The following FAM131A variants were observed in gnomAD, a reference collection of about 807,000 sequenced individuals.
FAM131A encodes protein FAM131A.
A neutral mutation model predicts 39.2 loss-of-function variants in FAM131A; 24 were observed. That is an observed-to-expected ratio of 0.61 (90% CI 0.44 to 0.86). The LOEUF is 0.86. Ranked by LOEUF, FAM131A falls within the 40% of genes least tolerant of loss-of-function variation. The pLI, the probability that FAM131A is intolerant of heterozygous loss-of-function variation, is 0.00. For missense variants in FAM131A, 373 were observed against 481.2 expected (o/e 0.78, Z 2.10); for synonymous variants, 202 against 206.8 (o/e 0.98, Z 0.20).
rs1577289369 is a variant in FAM131A, at chr3:184,342,397, A to T, written c.508+149A>T. On this transcript the variant is annotated intron_variant, in intron 4 of 5. Coordinates refer to ENST00000383847, the MANE Select transcript of FAM131A (RefSeq NM_144635.5). This position sits in a 1 kb window ranked among gnomAD's most constrained non-coding sequence, Gnocchi z 4.6. ...ATCTCAGCTCACTGCAACCTCTGCC[A>T]CCCCAGTTCAAGCGATTCTCCTGCC... 3.0e-6 allele frequency: 3 copies of T among 990,290 alleles called. No individual in the cohort carries two copies. Among genetic ancestry groups the T allele is most frequent in the Admixed American group, 3.0e-5 (1 of 32,996 alleles). The allele number at this position is 990,290 out of a possible 1,614,324, so 61.3% of individuals were successfully genotyped here. A position where few individuals can be genotyped will look rare whatever the true frequency, so the allele number is the denominator to read the frequency against.
Position 184,342,566 on chromosome 3 carries a change from A to G in FAM131A, c.509-178A>G, listed in dbSNP as rs543860725. On this transcript the variant is annotated intron_variant, in intron 4 of 5. Coordinates refer to ENST00000383847, the MANE Select transcript of FAM131A (RefSeq NM_144635.5). This position sits in a 1 kb window ranked among gnomAD's most constrained non-coding sequence, Gnocchi z 4.6. ...AGTGATCCACCTGCCTCGGCCTCCC[A>G]AAGTGCTGGGATTACAGGCATAAGC... 3.9e-5 allele frequency among the ~76,000 whole-genome samples: 6 copies of G among 152,206 alleles called. No homozygotes were observed. The East Asian group carries it at 1.2e-3, about 29-fold the overall frequency.
In FAM131A at chr3:184,345,924, G is replaced by A. The variant is rs1727636967; in HGVS notation, c.*954G>A. Reference sequence around the variant, plus strand: ...TGTGCCAGTGAGTGACAGTCATGAGGGAGTGTCTCTTCTTGGGGAGGAAAG... The same window carrying A: ...TGTGCCAGTGAGTGACAGTCATGAGAGAGTGTCTCTTCTTGGGGAGGAAAG... On this transcript the variant is annotated 3_prime_UTR_variant, in exon 6 of 6. Transcript: ENST00000383847. 2.8e-6 allele frequency: 1 copy of A among 351,602 alleles called. No individual in the cohort carries two copies. Among genetic ancestry groups the A allele is most frequent in the African/African-American group, 2.1e-5 (1 of 46,854 alleles). 21.8% of individuals were successfully genotyped at this position (351,602 alleles called of 1,614,324 possible). A position where few individuals can be genotyped will look rare whatever the true frequency, so the allele number is the denominator to read the frequency against.
rs1480726759 is a variant in FAM131A at position 184,337,657 on chromosome 3, A to G, written c.27A>G (p.Lys9=). The change falls in exon 1 of 6, where the codon AAA becomes AAG. Residue 9 remains lysine (K), a synonymous_variant. Coordinates refer to ENST00000383847, the MANE Select transcript of FAM131A (RefSeq NM_144635.5). ...TGCCTATGATTTCTGTGCTGGGCAAAATGTTTCTGTGGCAGCGTGAAGGGC... is the reference window on the plus strand; with the variant it reads ...TGCCTATGATTTCTGTGCTGGGCAAGATGTTTCTGTGGCAGCGTGAAGGGC... The part of the protein sequence containing the change: MPMISVLG[K]MFLWQREGPG... The G allele has an allele frequency of 6.5e-7, 1 of 1,537,212 alleles. No homozygotes were observed. Among genetic ancestry groups the G allele is most frequent in the Admixed American group, 2.0e-5 (1 of 50,994 alleles).
chr3:184,344,838 C>T lies in FAM131A; in HGVS notation c.969C>T (p.Ala323=), dbSNP rs775392036. 27 of 1,611,514 alleles carry T rather than the reference C, an allele frequency of 1.7e-5. No individual in the cohort carries two copies. Among genetic ancestry groups the T allele is most frequent in the Non-Finnish European group, 2.2e-5 (26 of 1,179,862 alleles). Residue 323 remains alanine (A), a synonymous_variant, in exon 6 of 6, where the codon GCC becomes GCT. Coordinates refer to ENST00000383847, the MANE Select transcript of FAM131A (RefSeq NM_144635.5). ...TTTCCCCCGCGGAGGAGGAGCCAGC[C>T]CCCTGCAAGGACTGCCAGCCACTCT... ...SCLSPAEEEP[A]PCKDCQPLCP...
In FAM131A at chr3:184,342,639, G is replaced by T. The variant is rs1253526543; in HGVS notation, c.509-105G>T. ...TTTCTTATCTCCTCGGGTCTGACAT[G>T]GGGGTTGGAGTCTTCCCATACCCTG... On this transcript the variant is annotated intron_variant, in intron 4 of 5. Coordinates refer to ENST00000383847, the MANE Select transcript of FAM131A (RefSeq NM_144635.5). The surrounding 1 kb of genome is among the most constrained non-coding windows in gnomAD (Gnocchi z 4.6). 1.0e-6 allele frequency: 1 copy of T among 983,506 alleles called. No individual in the cohort carries two copies. The highest frequency in any genetic ancestry group is 1.5e-6 in the Non-Finnish European group (1 of 652,826). 60.9% of individuals were successfully genotyped at this position (983,506 alleles called of 1,614,324 possible). A position where few individuals can be genotyped will look rare whatever the true frequency, so the allele number is the denominator to read the frequency against.
intron 2 of FAM131A, chr3:184,341,353 G>C (rs761139385): frequency 1.7e-5 from 5 of 287,202 alleles, no homozygotes; most frequent in Admixed American, 4.9e-5. Context: ...AAGGGGCAGA[G>C]GGGAAGGGAA....
intron 2 of FAM131A, 62 bp from the exon 3 acceptor site, chr3:184,341,662 C>A: frequency 7.1e-7 from 1 of 1,408,736 alleles, no homozygotes; most frequent in Non-Finnish European, 9.8e-7. Flanking sequence ...TGGGTATGGG[C>A]ATGTTAGGGG....
chr3:184,337,849 G>C, intron 1 of FAM131A, 131 bp downstream of exon 1: 1 of 831,348 alleles, frequency 1.2e-6, no homozygotes, highest in Non-Finnish European at 1.9e-6. Context: ...AACCAGGCTG[G>C]GGCCAGACAG....
At chr3:184,337,859 G>A in intron 1 of FAM131A, 141 bp downstream of exon 1, 1 of 788,170 alleles carries the variant, frequency 1.3e-6, no homozygotes, top group Non-Finnish European at 2.0e-6. Context: ...GGGCCAGACA[G>A]GGCATCAGGA....
In FAM131A at chr3:184,342,965, G is replaced by A. The variant is rs572764470; in HGVS notation, c.625+105G>A. ...CTCTCAGCCTTTGCAAGGGGAGGGAGAGGGACAGACTCAGTCCAGGCAGGC... is the reference window on the plus strand; with the variant it reads ...CTCTCAGCCTTTGCAAGGGGAGGGAAAGGGACAGACTCAGTCCAGGCAGGC... On this transcript the variant is annotated intron_variant, in intron 5 of 5. Transcript: ENST00000383847. The surrounding 1 kb of genome is among the most constrained non-coding windows in gnomAD (Gnocchi z 4.6). 75 of 999,160 alleles carry A rather than the reference G, an allele frequency of 7.5e-5. No homozygotes were observed. The highest frequency in any genetic ancestry group is 1.1e-4 in the Non-Finnish European group (71 of 642,418). 61.9% of individuals were successfully genotyped at this position (999,160 alleles called of 1,614,324 possible).
chr3:184,337,571 A>T (rs571360080), upstream of FAM131A: 281 of 1,485,536 alleles, frequency 1.9e-4, no homozygotes, highest in South Asian at 2.8e-3. Context: ...CAGGAATAGA[A>T]CTGGGAGCTG....
chr3:184,341,534 G>C (rs1298198274), intron 2 of FAM131A, 190 bp from the exon 3 acceptor site: 1 of 603,614 alleles, frequency 1.7e-6, no homozygotes, highest in African/African-American at 1.9e-5. Context: ...AATCTCCATT[G>C]CTTTCTGGGA....
chr3:184,345,431 C>T lies in FAM131A; in HGVS notation c.*461C>T, dbSNP rs955566357. 7 of 677,852 alleles carry T rather than the reference C, an allele frequency of 1.0e-5. No homozygotes were observed. In the East Asian group the frequency reaches 1.3e-4, roughly 13 times the overall value. The allele number at this position is 677,852 out of a possible 1,614,324, so 42.0% of individuals were successfully genotyped here. ...ATGTGCAGTGCTTGATAGAATCACC[C>T]CCACCTGGAGGGGCTGGCTCCTGCC... On this transcript the variant is annotated 3_prime_UTR_variant, in exon 6 of 6. Transcript: ENST00000383847.
At chr3:184,343,942 A>T (rs1251602297) in intron 5 of FAM131A, among the ~76,000 whole-genome samples, 3 of 151,822 alleles carry the variant, frequency 2.0e-5, no homozygotes, top group Non-Finnish European at 2.9e-5. Context: ...AGCAACCTGT[A>T]TGGCCATAGG....
Position 184,341,772 on chromosome 3 carries a change from C to T in FAM131A, c.280C>T (p.Leu94=), listed in dbSNP as rs1479217787. 3 of 1,613,554 alleles carry T rather than the reference C, an allele frequency of 1.9e-6. No homozygotes were observed. ...VAMLPKSRRA[L]TIQEIAALAR... is the part of the protein sequence containing the mutation. ...GATGCTGCCCAAGTCCCGGCGAGCC[C>T]TAACTATCCAGGAGATCGCTGCGCT... Residue 94 remains leucine, a synonymous_variant, in exon 3 of 6, where the codon CTA becomes TTA. Transcript: ENST00000383847.
At chr3:184,338,645 C>T in intron 2 of FAM131A, 116 bp downstream of exon 2, 7 of 1,391,496 alleles carry the variant, frequency 5.0e-6, no homozygotes, top group Non-Finnish European at 6.7e-6. Flanking sequence ...CGGGCGGAGG[C>T]GCTATCCGGC....
At chr3:184,338,664 G>A (rs1238821612) in intron 2 of FAM131A, 135 bp downstream of exon 2, 7 of 1,191,520 alleles carry the variant, frequency 5.9e-6, no homozygotes, top group East Asian at 2.6e-5. Context: ...GCGGCGGGCC[G>A]GGAGGCCGCC....
chr3:184,337,569 G>C (rs1727176271), upstream of FAM131A: 5 of 1,483,056 alleles, frequency 3.4e-6, no homozygotes, highest in Admixed American at 9.8e-5. Flanking sequence ...AACAGGAATA[G>C]AACTGGGAGC....
chr3:184,342,347 G>A lies in FAM131A; in HGVS notation c.508+99G>A, dbSNP rs940692802. On this transcript the variant is annotated intron_variant, in intron 4 of 5. Coordinates refer to ENST00000383847, the MANE Select transcript of FAM131A (RefSeq NM_144635.5). The surrounding 1 kb of genome is among the most constrained non-coding windows in gnomAD (Gnocchi z 4.6). ...TTTTGAGACGGAGTCTCACTCTGTC[G>A]CCCAGGCTGGAGTGCAGTGATGCAA... 14 of 1,389,048 alleles carry A rather than the reference G, an allele frequency of 1.0e-5. No individual in the cohort carries two copies. Among genetic ancestry groups the A allele is most frequent in the East Asian group, 9.7e-5 (4 of 41,064 alleles). The allele number at this position is 1,389,048 out of a possible 1,614,324, so 86.0% of individuals were successfully genotyped here.
Sources: gnomAD v4.1 joint callset for allele counts (sites outside exome capture counted in the v4.1 genomes callset) on GRCh38, gnomAD v4.1.1 for gene constraint, Gnocchi (gnomAD v3.1) non-coding constraint, MANE v1.5 for transcripts, NCBI Gene and HGNC (gene_info 2026-07-23, HGNC 2026-07-21) for gene names.